GABRB3: variants seen among roughly 807,000 people sequenced by gnomAD.
The protein encoded by GABRB3 is gamma-aminobutyric acid receptor subunit beta-3.
In GABRB3, 14 loss-of-function variants were observed where a neutral mutation model predicts 52.1. The observed-to-expected ratio is 0.27, with a 90% CI of 0.18 to 0.42. The LOEUF is 0.42. GABRB3 is among the 10% of genes least tolerant of loss of function. GABRB3 has a pLI of 1.00. For missense variants in GABRB3, 307 were observed against 609.1 expected (o/e 0.50, Z 5.22); for synonymous variants, 260 against 232.3 (o/e 1.12, Z -1.08).
intron 4 of GABRB3, among the ~76,000 whole-genome samples, chr15:26,619,552 A>G (rs1452939147): frequency 6.7e-6 from 1 of 150,196 alleles, no homozygotes; most frequent in Non-Finnish European, 1.5e-5. Context: ...TAGCATTGGG[A>G]TATATACCTA....
rs189301488 is a variant in GABRB3 at position 26,744,339 on chromosome 15, T to A, written c.240+28063A>T. Among the ~76,000 whole-genome samples the A allele has an allele frequency of 2.0e-3, 305 of 152,338 alleles. 1 individual carries two copies. The highest frequency in any genetic ancestry group is 8.5e-3 in the Admixed American group (130 of 15,296). On this transcript the variant is annotated intron_variant, in intron 3 of 8. Transcript: ENST00000311550. ...CCATGCCTTTTGGTTTTGTAATTTT[T>A]AAAAATTTAAACTATGCTTCCTTAT...
chr15:26,773,059 G>T lies in GABRB3; in HGVS notation c.-97C>A. The T allele has an allele frequency of 9.5e-7, 1 of 1,057,442 alleles. No homozygotes were observed. Among genetic ancestry groups the T allele is most frequent in the South Asian group, 4.4e-5 (1 of 22,754 alleles). 65.5% of individuals were successfully genotyped at this position (1,057,442 alleles called of 1,614,324 possible). A position where few individuals can be genotyped will look rare whatever the true frequency, so the allele number is the denominator to read the frequency against. On this transcript the variant is annotated 5_prime_UTR_variant, in exon 1 of 9. Coordinates refer to ENST00000311550, the MANE Select transcript of GABRB3 (RefSeq NM_000814.6). ...TGCTGCTGCCGCCGCCGCCGCCGCC[G>T]CCGCGCTGGCCCGGAGCGGAGGAGG... is the stretch of plus-strand genomic sequence containing the variant.
chr15:26,761,392 C>T (rs904626255), intron 3 of GABRB3, among the ~76,000 whole-genome samples: 10 of 127,800 alleles, frequency 7.8e-5, no homozygotes, highest in African/African-American at 3.3e-4. Flanking sequence ...AAGACTCCAT[C>T]TCAAAAAAAA....
chr15:26,668,502 T>C (rs1262610540), intron 3 of GABRB3, among the ~76,000 whole-genome samples: 3 of 152,122 alleles, frequency 2.0e-5, no homozygotes, highest in East Asian at 3.9e-4. Context: ...GCCTCATACA[T>C]ACAGTTTTCC....
chr15:26,756,515 T>C (rs1447368166), intron 3 of GABRB3, among the ~76,000 whole-genome samples: 2 of 151,304 alleles, frequency 1.3e-5, no homozygotes, highest in Non-Finnish European at 2.9e-5. Context: ...GAGGCAGAGG[T>C]TGCAGTGAGC....
intron 3 of GABRB3, among the ~76,000 whole-genome samples, chr15:26,696,509 T>C (rs1031533918): frequency 6.6e-6 from 1 of 152,178 alleles, no homozygotes; most frequent in Non-Finnish European, 1.5e-5. Context: ...TAATCATCTT[T>C]TCCTGGGGAC....
chr15:26,763,973 C>T (rs1272730869), intron 3 of GABRB3, among the ~76,000 whole-genome samples: 2 of 151,074 alleles, frequency 1.3e-5, no homozygotes, highest in African/African-American at 4.9e-5. Flanking sequence ...TGGTGAAACC[C>T]CGTCTCTACT....
chr15:26,587,939 G>A (rs913672201), intron 4 of GABRB3, among the ~76,000 whole-genome samples: 1 of 152,118 alleles, frequency 6.6e-6, no homozygotes, highest in Non-Finnish European at 1.5e-5. Flanking sequence ...CTCAGCAATC[G>A]GAATCCAATA....
At chr15:26,626,773 G>A (rs182752215) in intron 3 of GABRB3, among the ~76,000 whole-genome samples, 4 of 152,322 alleles carry the variant, frequency 2.6e-5, no homozygotes, top group East Asian at 1.9e-4. Context: ...TTTAAGCAAC[G>A]AAGCCATTTC....
At chr15:26,751,782 T>C (rs1205103620) in intron 3 of GABRB3, among the ~76,000 whole-genome samples, 1 of 152,028 alleles carries the variant, frequency 6.6e-6, no homozygotes, top group Non-Finnish European at 1.5e-5. Flanking sequence ...TCAAATTTGT[T>C]CCTTTCCTAG....
At chr15:26,692,505 G>A (rs1052325179) in intron 3 of GABRB3, among the ~76,000 whole-genome samples, 3 of 152,004 alleles carry the variant, frequency 2.0e-5, no homozygotes, top group African/African-American at 4.8e-5. Context: ...TTTCTATCCC[G>A]CCAAGACTGT....
chr15:26,642,126 C>T (rs1893218661), intron 3 of GABRB3, among the ~76,000 whole-genome samples: 1 of 152,158 alleles, frequency 6.6e-6, no homozygotes, highest in Admixed American at 6.5e-5. Context: ...CTCCCAGCCG[C>T]AAGCAATCCT....
chr15:26,759,603 T>TA (rs1457386356), intron 3 of GABRB3, among the ~76,000 whole-genome samples: 3 of 152,178 alleles, frequency 2.0e-5, no homozygotes, highest in Non-Finnish European at 4.4e-5. Context: ...CATCCAAGCT[T>TA]AAAATTATCT....
intron 4 of GABRB3, among the ~76,000 whole-genome samples, chr15:26,598,229 G>C (rs916939990): frequency 6.6e-6 from 1 of 151,558 alleles, no homozygotes; most frequent in African/African-American, 2.4e-5. Context: ...TCAATAAACT[G>C]GTCGAATAAG....
intron 3 of GABRB3, among the ~76,000 whole-genome samples, chr15:26,707,138 G>C (rs1443547316): frequency 6.6e-6 from 1 of 152,198 alleles, no homozygotes; most frequent in Non-Finnish European, 1.5e-5. Context: ...GATCATAAGA[G>C]AGAAAGTATC....
At chr15:26,677,156 C>G (rs927018169) in intron 3 of GABRB3, among the ~76,000 whole-genome samples, 1 of 152,124 alleles carries the variant, frequency 6.6e-6, no homozygotes, top group Admixed American at 6.5e-5. Flanking sequence ...AATTTAAGTC[C>G]TTTAGATCAA....
intron 4 of GABRB3, among the ~76,000 whole-genome samples, chr15:26,595,854 T>C (rs1183778436): frequency 6.6e-6 from 1 of 152,144 alleles, no homozygotes; most frequent in Non-Finnish European, 1.5e-5. Flanking sequence ...TCAACTTCGA[T>C]TGTCCTATGC....
At chr15:26,756,674 T>C (rs1890671553) in intron 3 of GABRB3, among the ~76,000 whole-genome samples, 1 of 150,900 alleles carries the variant, frequency 6.6e-6, no homozygotes, top group Admixed American at 6.7e-5. Context: ...ATATCACATA[T>C]GTGTTATGTA....
At chr15:26,757,656 T>C (rs140853698) in intron 3 of GABRB3, among the ~76,000 whole-genome samples, 53 of 152,294 alleles carry the variant, frequency 3.5e-4, no homozygotes, top group African/African-American at 1.2e-3. Flanking sequence ...CACGGAGCAA[T>C]TGAACTAAAA....
Sources: gnomAD v4.1 joint callset for allele counts (sites outside exome capture counted in the v4.1 genomes callset) on GRCh38, gnomAD v4.1.1 for gene constraint, MANE v1.5 for transcripts, NCBI Gene and HGNC (gene_info 2026-07-23, HGNC 2026-07-21) for gene names.